Variants in ARHGAP44 observed in about 807,000 individuals in gnomAD.
ARHGAP44 encodes the protein Rho GTPase activating protein 44.
In ARHGAP44, 43 loss-of-function variants were observed where a neutral mutation model predicts 106.8. The observed-to-expected ratio is 0.40, with a 90% CI of 0.32 to 0.52. The LOEUF (loss-of-function observed/expected upper bound fraction) is 0.52, where lower values mean the gene tolerates loss of function less well. Among genes scored for constraint, ARHGAP44 ranks in the 20% least tolerant of loss-of-function variants. ARHGAP44 has a pLI of 0.48. For missense variants in ARHGAP44, 866 were observed against 1,050.5 expected, an observed-to-expected ratio of 0.82 and a Z score of 2.43; for synonymous variants, 439 against 410.3, an observed-to-expected ratio of 1.07 and a Z score of -0.85.
chr17:12,915,770 T>G, intron 4 of ARHGAP44, 130 bp from the exon 5 acceptor site: 2 of 717,546 alleles, frequency 2.8e-6, no homozygotes, highest in East Asian at 2.8e-5. Flanking sequence ...GGGGAAGCCA[T>G]GGAGATCAGC....
At chr17:12,928,151 T>C (rs1414826459) in intron 6 of ARHGAP44, among the ~76,000 whole-genome samples, 8 of 152,224 alleles carry the variant, frequency 5.3e-5, no homozygotes, top group African/African-American at 1.9e-4. Context: ...AGGCCAAATT[T>C]TTAAGAAAAC....
At chr17:12,853,039 A>G (rs939692713) in intron 1 of ARHGAP44, among the ~76,000 whole-genome samples, 2 of 152,190 alleles carry the variant, frequency 1.3e-5, no homozygotes, top group African/African-American at 4.8e-5. Context: ...ATTAGGGAGT[A>G]TCAACTCACG....
chr17:12,803,822 T>C (rs2034192747), intron 1 of ARHGAP44, among the ~76,000 whole-genome samples: 1 of 152,150 alleles, frequency 6.6e-6, no homozygotes, highest in Admixed American at 6.5e-5. Flanking sequence ...GGGAAAAAAA[T>C]CCTAGCACTG....
chr17:12,896,550 C>A, intron 3 of ARHGAP44, 39 bp downstream of exon 3: 1 of 1,534,200 alleles, frequency 6.5e-7, no homozygotes, highest in Non-Finnish European at 8.8e-7. Flanking sequence ...GAAATCTTGC[C>A]TACTGAGGAC....
chr17:12,861,087 C>T (rs1195563723), intron 1 of ARHGAP44, among the ~76,000 whole-genome samples: 1 of 152,114 alleles, frequency 6.6e-6, no homozygotes, highest in Non-Finnish European at 1.5e-5. Context: ...AACTCCTGGA[C>T]TCAAATGATC....
intron 3 of ARHGAP44, among the ~76,000 whole-genome samples, chr17:12,897,578 G>C (rs543957418): frequency 5.9e-5 from 9 of 152,130 alleles, no homozygotes; most frequent in African/African-American, 1.9e-4. Flanking sequence ...TCAGCAAGAG[G>C]AACTGTCTAA....
chr17:12,886,525 G>C (rs2036886479), intron 1 of ARHGAP44, among the ~76,000 whole-genome samples: 1 of 151,804 alleles, frequency 6.6e-6, no homozygotes, highest in Admixed American at 6.6e-5. Context: ...TATACATTCT[G>C]TACATGTTTT....
intron 1 of ARHGAP44, among the ~76,000 whole-genome samples, chr17:12,808,168 G>A (rs891378883): frequency 5.9e-5 from 9 of 152,224 alleles, no homozygotes; most frequent in African/African-American, 2.2e-4. Context: ...GGATTTGCAG[G>A]CTACAGTCCC....
chr17:12,892,232 A>G (rs1269952470), intron 1 of ARHGAP44, among the ~76,000 whole-genome samples: 1 of 152,172 alleles, frequency 6.6e-6, no homozygotes, highest in African/African-American at 2.4e-5. Context: ...TTCTAGGTTG[A>G]CAGTTTCTTT....
intron 3 of ARHGAP44, among the ~76,000 whole-genome samples, chr17:12,900,954 G>A (rs931401627): frequency 2.4e-5 from 3 of 125,630 alleles, no homozygotes; most frequent in South Asian, 5.4e-4. Context: ...ATGGAGTTTC[G>A]CTCTTGTCAC....
At chr17:12,850,131 A>T (rs2035695832) in intron 1 of ARHGAP44, among the ~76,000 whole-genome samples, 1 of 152,186 alleles carries the variant, frequency 6.6e-6, no homozygotes, top group Non-Finnish European at 1.5e-5. Context: ...AAAATGATCA[A>T]ATATTAGAGC....
intron 1 of ARHGAP44, among the ~76,000 whole-genome samples, chr17:12,875,617 G>C (rs1358163957): frequency 6.6e-6 from 1 of 151,836 alleles, no homozygotes; most frequent in African/African-American, 2.4e-5. Flanking sequence ...AATAAAAAGG[G>C]GGGGTGCATT....
chr17:12,898,270 C>T (rs899598538), intron 3 of ARHGAP44, among the ~76,000 whole-genome samples: 5 of 152,094 alleles, frequency 3.3e-5, no homozygotes, highest in Non-Finnish European at 5.9e-5. Context: ...CAGTGGCCTG[C>T]GGTGTGACAG....
chr17:12,892,397 A>G (rs1598008477), intron 1 of ARHGAP44, among the ~76,000 whole-genome samples: 1 of 151,912 alleles, frequency 6.6e-6, no homozygotes, highest in South Asian at 2.1e-4. Context: ...AAGTTTGACC[A>G]TGATGTGTCT....
At chr17:12,947,841 A>G (rs2143053033) in intron 10 of ARHGAP44, among the ~76,000 whole-genome samples, 1 of 152,220 alleles carries the variant, frequency 6.6e-6, no homozygotes, top group East Asian at 1.9e-4. Context: ...ACTCATCCAA[A>G]CATGTTCATG....
chr17:12,931,399 A>T (rs2038395502), intron 7 of ARHGAP44, among the ~76,000 whole-genome samples: 1 of 151,884 alleles, frequency 6.6e-6, no homozygotes, highest in South Asian at 2.1e-4. Flanking sequence ...TAAAACAGTC[A>T]TATTATTTAT....
intron 1 of ARHGAP44, among the ~76,000 whole-genome samples, chr17:12,851,591 C>A (rs542371280): frequency 9.9e-5 from 15 of 152,244 alleles, no homozygotes; most frequent in African/African-American, 3.6e-4. Flanking sequence ...TGCGCCACCA[C>A]GCCCAGCTAA....
Position 12,958,923 on chromosome 17 carries a change from C to T in ARHGAP44, c.1523+26C>T. ...GTATGAACTGGTGTCTCTTTCTCAG[C>T]ACTGGGGATTAGGGGAGGTGGTGGG... On this transcript the variant is annotated intron_variant, in intron 16 of 20. Coordinates refer to ENST00000379672, the MANE Select transcript of ARHGAP44 (RefSeq NM_014859.6). The surrounding 1 kb of genome is among the most constrained non-coding windows in gnomAD (Gnocchi z 4.1). The T allele has an allele frequency of 6.3e-7, 1 of 1,589,450 alleles. No individual in the cohort carries two copies. The highest frequency in any genetic ancestry group is 8.6e-7 in the Non-Finnish European group (1 of 1,167,446).
At chr17:12,834,520 G>A (rs2035180869) in intron 1 of ARHGAP44, among the ~76,000 whole-genome samples, 1 of 152,088 alleles carries the variant, frequency 6.6e-6, no homozygotes, top group Non-Finnish European at 1.5e-5. Flanking sequence ...GAAAAATCCT[G>A]CACAAAAATA....
Sources: gnomAD v4.1 joint callset for allele counts (sites outside exome capture counted in the v4.1 genomes callset) on GRCh38, gnomAD v4.1.1 for gene constraint, Gnocchi (gnomAD v3.1) non-coding constraint, MANE v1.5 for transcripts, NCBI Gene and HGNC (gene_info 2026-07-23, HGNC 2026-07-21) for gene names.